Variants in ENOX1 observed in about 807,000 individuals in gnomAD.
ENOX1 encodes the protein ecto-NOX disulfide-thiol exchanger 1, also known as candidate growth-related and time keeping constitutive hydroquinone (NADH) oxidase.
In ENOX1, 42 loss-of-function variants were observed where a neutral mutation model predicts 82.5. The ratio of observed to expected loss-of-function variants is 0.51; its 90% CI spans 0.40 to 0.66. ENOX1 has a LOEUF of 0.66. Ranked by LOEUF, ENOX1 falls within the 30% of genes least tolerant of loss-of-function variation. ENOX1 has a pLI of 0.00. For synonymous variants in ENOX1, 271 were observed against 282.2 expected (o/e 0.96, Z 0.40); for missense variants, 608 against 811.6 (o/e 0.75, Z 3.05).
intron 2 of ENOX1, among the ~76,000 whole-genome samples, chr13:43,592,786 C>T (rs1374409555): frequency 6.6e-6 from 1 of 152,032 alleles, no homozygotes; most frequent in African/African-American, 2.4e-5. Flanking sequence ...AGAGGAAGGC[C>T]CTGAAAACAC....
chr13:43,368,159 T>C (rs1445549984), intron 5 of ENOX1, among the ~76,000 whole-genome samples: 1 of 152,224 alleles, frequency 6.6e-6, no homozygotes, highest in Non-Finnish European at 1.5e-5. Flanking sequence ...GGTATGTTTT[T>C]CATTTAAACC....
intron 11 of ENOX1, among the ~76,000 whole-genome samples, chr13:43,306,256 T>C (rs950026951): frequency 6.6e-6 from 1 of 152,206 alleles, no homozygotes; most frequent in Non-Finnish European, 1.5e-5. Context: ...GCCATGGCTA[T>C]GGAGAGGCGA....
At chr13:43,236,132 A>C (rs1304259424) in intron 15 of ENOX1, among the ~76,000 whole-genome samples, 1 of 152,170 alleles carries the variant, frequency 6.6e-6, no homozygotes, top group Admixed American at 6.5e-5. Flanking sequence ...TGGACAGGGA[A>C]GCCTGAAGCC....
intron 1 of ENOX1, among the ~76,000 whole-genome samples, chr13:43,680,516 G>A (rs750004324): frequency 2.0e-5 from 3 of 152,128 alleles, no homozygotes; most frequent in Non-Finnish European, 4.4e-5. Context: ...CAGCAAGACT[G>A]AGTGCATAGG....
chr13:43,361,222 A>G, intron 6 of ENOX1, 57 bp downstream of exon 6: 2 of 1,580,628 alleles, frequency 1.3e-6, no homozygotes, highest in Non-Finnish European at 1.7e-6. Context: ...TGCCATTTTA[A>G]AATTTAAAAA....
intron 1 of ENOX1, among the ~76,000 whole-genome samples, chr13:43,698,070 G>T (rs1471337596): frequency 6.6e-6 from 1 of 152,202 alleles, no homozygotes; most frequent in African/African-American, 2.4e-5. Flanking sequence ...TATATCAGCA[G>T]AGAGTAATGA....
intron 1 of ENOX1, among the ~76,000 whole-genome samples, chr13:43,746,821 G>A (rs1004842712): frequency 6.6e-6 from 1 of 152,198 alleles, no homozygotes; most frequent in African/African-American, 2.4e-5. Context: ...AGCTAGTCAA[G>A]CTCAAAGTCA....
chr13:43,525,034 C>T (rs1478124133), intron 2 of ENOX1, among the ~76,000 whole-genome samples: 1 of 152,076 alleles, frequency 6.6e-6, no homozygotes, highest in Non-Finnish European at 1.5e-5. Flanking sequence ...CTTTAAATCC[C>T]TCATTTTATC....
At chr13:43,405,872 T>C (rs7992124) in intron 5 of ENOX1, among the ~76,000 whole-genome samples, 7,478 of 152,316 alleles carry the variant, frequency 0.049, 531 homozygotes, top group African/African-American at 0.15. Context: ...CTGCTTAACT[T>C]TCTTCAGTGA....
chr13:43,501,877 G>A (rs2076995021), intron 2 of ENOX1, among the ~76,000 whole-genome samples: 1 of 147,372 alleles, frequency 6.8e-6, no homozygotes, highest in Admixed American at 6.8e-5. Flanking sequence ...GCTAACAGAA[G>A]AAAGAAAATA....
At chr13:43,374,927 C>T (rs948059466) in intron 5 of ENOX1, among the ~76,000 whole-genome samples, 1 of 152,152 alleles carries the variant, frequency 6.6e-6, no homozygotes, top group Non-Finnish European at 1.5e-5. Flanking sequence ...AAGCAGGATG[C>T]ACAGTATTCA....
intron 2 of ENOX1, among the ~76,000 whole-genome samples, chr13:43,489,555 T>C (rs999406683): frequency 1.3e-5 from 2 of 152,004 alleles, no homozygotes; most frequent in Admixed American, 1.3e-4. Context: ...AACTGTGGGG[T>C]CAGAGCCACT....
At chr13:43,756,879 T>C (rs902625153) in intron 1 of ENOX1, among the ~76,000 whole-genome samples, 1 of 149,692 alleles carries the variant, frequency 6.7e-6, no homozygotes, top group African/African-American at 2.5e-5. Flanking sequence ...CAGGATATAC[T>C]TGGGAGGCTG....
intron 2 of ENOX1, among the ~76,000 whole-genome samples, chr13:43,521,103 C>G (rs2077750151): frequency 6.6e-6 from 1 of 152,178 alleles, no homozygotes; most frequent in Non-Finnish European, 1.5e-5. Flanking sequence ...CAACCCTACT[C>G]TCTTATTTGG....
intron 2 of ENOX1, among the ~76,000 whole-genome samples, chr13:43,506,025 T>C (rs1304533728): frequency 6.6e-6 from 1 of 152,078 alleles, no homozygotes; most frequent in Non-Finnish European, 1.5e-5. Context: ...TCCCCATTTT[T>C]TGTTTTTGTG....
chr13:43,458,260 T>C (rs1045981427), intron 3 of ENOX1, among the ~76,000 whole-genome samples: 9 of 152,168 alleles, frequency 5.9e-5, no homozygotes, highest in African/African-American at 2.2e-4. Context: ...AACTCCCCGA[T>C]AGGAAAATGG....
At chr13:43,256,301 A>G (rs142881770) in intron 14 of ENOX1, among the ~76,000 whole-genome samples, 2 of 152,328 alleles carry the variant, frequency 1.3e-5, no homozygotes, top group Non-Finnish European at 2.9e-5. Context: ...AAATAGACAA[A>G]TGGAATTACA....
intron 16 of ENOX1, among the ~76,000 whole-genome samples, chr13:43,215,678 C>T (rs2041433936): frequency 6.6e-6 from 1 of 152,134 alleles, no homozygotes; most frequent in Middle Eastern, 3.2e-3. Flanking sequence ...ATTGGTGTGC[C>T]TTAAGCACTT....
At chr13:43,460,558 T>C (rs923050940) in intron 3 of ENOX1, among the ~76,000 whole-genome samples, 3 of 152,018 alleles carry the variant, frequency 2.0e-5, no homozygotes, top group Non-Finnish European at 4.4e-5. Flanking sequence ...CCTAGCACTT[T>C]GGGAGGCTGA....
Sources: gnomAD v4.1 joint callset for allele counts (sites outside exome capture counted in the v4.1 genomes callset) on GRCh38, gnomAD v4.1.1 for gene constraint, MANE v1.5 for transcripts, NCBI Gene and HGNC (gene_info 2026-07-23, HGNC 2026-07-21) for gene names.